DLGAP4: variants seen among roughly 807,000 people sequenced by gnomAD.
The protein encoded by DLGAP4 is disks large-associated protein 4.
A neutral mutation model predicts 86.9 loss-of-function variants in DLGAP4; 18 were observed. The ratio of observed to expected loss-of-function variants is 0.21; its 90% CI spans 0.14 to 0.31. The LOEUF is 0.31. DLGAP4 is among the 10% of genes least tolerant of loss of function. The pLI is 1.00. For missense variants in DLGAP4, 1,085 were observed against 1,362.6 expected (o/e 0.80, Z 3.21); for synonymous variants, 548 against 574.3 (o/e 0.95, Z 0.65).
rs1276833124 is a variant in DLGAP4 at position 36,525,861 on chromosome 20, C to T, written c.2615C>T (p.Ala872Val). ...GLCEQNLNPDANPRPTAQDLA... is the reference protein window; with the variant it reads ...GLCEQNLNPDVNPRPTAQDLA... ...CCATCTGGCCCACAGAACCCTGATG[C>T]CAACCCACGCCCCACAGCCCAGGAC... Residue 872 changes from alanine (A) to valine (V), a missense_variant, in exon 12 of 13, where the codon GCC (alanine) becomes GTC (valine). By Grantham distance (64) the Ala-to-Val change is moderately conservative. This residue lies in a region of DLGAP4 where 1,082 missense variants were observed against 1,344.1 expected (regional missense o/e 0.81). Coordinates refer to ENST00000339266, the MANE Select transcript of DLGAP4 (RefSeq NM_001365621.2). 5.0e-6 allele frequency: 8 copies of T among 1,613,382 alleles called. No individual in the cohort carries two copies. Among genetic ancestry groups the T allele is most frequent in the Non-Finnish European group, 6.8e-6 (8 of 1,179,964 alleles).
At chr20:36,507,911 C>T (rs957873154) in intron 10 of DLGAP4, 3 of 152,254 alleles carry the variant, frequency 2.0e-5, no homozygotes, top group Admixed American at 6.5e-5. Flanking sequence ...AAGGATGACT[C>T]AAAGGCCAGG....
intron 7 of DLGAP4, chr20:36,462,319 T>C (rs1343400232): frequency 2.2e-6 from 3 of 1,348,514 alleles, no homozygotes; most frequent in Admixed American, 8.4e-5. Flanking sequence ...CCCCCACTTC[T>C]CGGGATCGGG....
chr20:36,504,990 C>CTTTTTTTTTTTTT (rs757067668), intron 10 of DLGAP4, among the ~76,000 whole-genome samples: 3 of 140,234 alleles, frequency 2.1e-5, no homozygotes, highest in African/African-American at 7.8e-5. Context: ...CACACAGGTT[C>CTTTTTTTTTTTTT]TTTTTTTTTT....
chr20:36,453,203 C>CG (rs1243805714), intron 7 of DLGAP4, among the ~76,000 whole-genome samples: 2 of 152,174 alleles, frequency 1.3e-5, no homozygotes, highest in Admixed American at 1.3e-4. Context: ...GTGCTGAGCA[C>CG]GGTGCTATAA....
intron 7 of DLGAP4, among the ~76,000 whole-genome samples, chr20:36,452,273 G>T (rs541975846): frequency 6.6e-6 from 1 of 152,154 alleles, no homozygotes; most frequent in East Asian, 1.9e-4. Flanking sequence ...CAACCTCCCA[G>T]GCTCAAGCGA....
Position 36,528,178 on chromosome 20 carries a change from T to G in DLGAP4, c.*1147T>G, listed in dbSNP as rs1468202144. 1 of 133,578 alleles carries G rather than the reference T, an allele frequency of 7.5e-6. No homozygotes were observed. The highest frequency in any genetic ancestry group is 1.6e-5 in the Non-Finnish European group (1 of 62,308). 8.3% of individuals were successfully genotyped at this position (133,578 alleles called of 1,614,324 possible). A position where few individuals can be genotyped will look rare whatever the true frequency, so the allele number is the denominator to read the frequency against. ...CCACCCCCCTCCCCCCGCCCCGCAC[T>G]CCTAAGGGCCCATCTGCCCAGCCTC... On this transcript the variant is annotated 3_prime_UTR_variant, in exon 13 of 13. Coordinates refer to ENST00000339266, the MANE Select transcript of DLGAP4 (RefSeq NM_001365621.2).
chr20:36,515,169 A>C (rs1330488544), intron 10 of DLGAP4, among the ~76,000 whole-genome samples: 4 of 152,216 alleles, frequency 2.6e-5, no homozygotes, highest in African/African-American at 9.7e-5. Flanking sequence ...CACTTTCTAT[A>C]AAATGGTTTG....
chr20:36,436,362 G>C lies in DLGAP4; in HGVS notation c.1241+12G>C. 1 of 1,584,492 alleles carries C rather than the reference G, an allele frequency of 6.3e-7. No homozygotes were observed. On this transcript the variant is annotated intron_variant, in intron 4 of 12. Transcript: ENST00000339266. ...AGCAACCCCCGCAGGTAGGCGCGCA[G>C]CTCCACCCTTACGGTCCCGCCCAGA... is the stretch of plus-strand genomic sequence containing the variant.
chr20:36,526,885 G>A lies in DLGAP4; in HGVS notation c.2833G>A (p.Ala945Thr), dbSNP rs746615368. Residue 945 changes from alanine to threonine, a missense_variant, in exon 13 of 13, where the codon GCC becomes ACC. Transcript: ENST00000339266. ...CAAGCCGGCAGTGAGCCGCGACAAG[G>A]CCTCAGACGCCAGCGACAAGCAGCG... ...KSKPAVSRDK[A>T]SDASDKQRQE... The A allele has an allele frequency of 6.8e-6, 11 of 1,612,774 alleles. No homozygotes were observed. The Admixed American group carries it at 1.5e-4, about 22-fold the overall frequency.
intron 2 of DLGAP4, among the ~76,000 whole-genome samples, chr20:36,430,780 C>G (rs2033107643): frequency 6.6e-6 from 1 of 151,610 alleles, no homozygotes; most frequent in African/African-American, 2.4e-5. Context: ...CATAGTGAAA[C>G]CCTGTCTCTA....
intron 2 of DLGAP4, among the ~76,000 whole-genome samples, chr20:36,382,959 TG>T (rs2031457861): frequency 6.6e-6 from 1 of 152,204 alleles, no homozygotes; most frequent in African/African-American, 2.4e-5. Context: ...ACATTGTCCT[TG>T]TTGGGAAGGG....
intron 2 of DLGAP4, among the ~76,000 whole-genome samples, chr20:36,427,746 CAGCCTGGTCAACATG>C (rs1447440635): frequency 6.6e-6 from 1 of 151,982 alleles, no homozygotes; most frequent in Non-Finnish European, 1.5e-5. Flanking sequence ...AGTTCGAGAC[CAGCCTGGTCAACATG>C]GTGAAAACCT....
chr20:36,478,252 C>T (rs542897193), intron 7 of DLGAP4, among the ~76,000 whole-genome samples: 20 of 152,132 alleles, frequency 1.3e-4, no homozygotes, highest in Non-Finnish European at 2.4e-4. Context: ...CTGGATACAG[C>T]GTGAGGAGTC....
intron 7 of DLGAP4, among the ~76,000 whole-genome samples, chr20:36,478,198 G>A (rs2035030432): frequency 6.6e-6 from 1 of 152,142 alleles, no homozygotes; most frequent in African/African-American, 2.4e-5. Flanking sequence ...CCCTCCTACT[G>A]GACCCATGGC....
At chr20:36,361,035 G>A (rs2030502786) in intron 1 of DLGAP4, among the ~76,000 whole-genome samples, 1 of 151,878 alleles carries the variant, frequency 6.6e-6, no homozygotes, top group African/African-American at 2.4e-5. Flanking sequence ...TCACCACCTG[G>A]GAGCTGGGCA....
chr20:36,509,167 AATCCCAGCACTTTGGG>A (rs796798213), intron 10 of DLGAP4, among the ~76,000 whole-genome samples: 13 of 152,294 alleles, frequency 8.5e-5, no homozygotes, highest in African/African-American at 3.1e-4. Flanking sequence ...TCATGCCTTT[AATCCCAGCACTTTGGG>A]AGGCTGACGT....
chr20:36,314,998 TG>T (rs1445538119), intron 1 of DLGAP4, among the ~76,000 whole-genome samples: 3 of 60,422 alleles, frequency 5.0e-5, no homozygotes, highest in African/African-American at 2.1e-4. Flanking sequence ...GTGTTATGTA[TG>T]GTGTGTGTGG....
intron 2 of DLGAP4, among the ~76,000 whole-genome samples, chr20:36,385,495 GGCCTAGAACTGAT>G (rs2031564054): frequency 1.3e-5 from 2 of 152,148 alleles, no homozygotes; most frequent in South Asian, 4.1e-4. Flanking sequence ...AGTGCAAAAG[GGCCTAGAACTGAT>G]GCCCTGAGCC....
chr20:36,453,228 G>C (rs1184404100), intron 7 of DLGAP4, among the ~76,000 whole-genome samples: 1 of 152,194 alleles, frequency 6.6e-6, no homozygotes, highest in Non-Finnish European at 1.5e-5. Context: ...AGCACCGTAG[G>C]GAGGATCTCT....
Sources: gnomAD v4.1 joint callset for allele counts (sites outside exome capture counted in the v4.1 genomes callset) on GRCh38, gnomAD v4.1.1 for gene constraint, gnomAD v4.1.1 regional missense constraint, MANE v1.5 for transcripts, NCBI Gene and HGNC (gene_info 2026-07-23, HGNC 2026-07-21) for gene names.